Variants in UNC13C observed in about 807,000 individuals in gnomAD.
The protein encoded by UNC13C is protein unc-13 homolog C.
Under a neutral mutation model 245.4 loss-of-function variants are expected in UNC13C, and 174 were observed. The ratio of observed to expected loss-of-function variants is 0.71; its 90% CI spans 0.63 to 0.80. The LOEUF is 0.80. Among genes scored for constraint, UNC13C ranks in the 30% least tolerant of loss-of-function variants. UNC13C has a pLI of 0.00. For synonymous variants in UNC13C, 992 were observed against 895.1 expected (o/e 1.11, Z -1.93); for missense variants, 2,829 against 2,602.9 (o/e 1.09, Z -1.89).
intron 2 of UNC13C, among the ~76,000 whole-genome samples, chr15:54,024,400 T>C (rs914514706): frequency 6.6e-5 from 10 of 152,126 alleles, no homozygotes; most frequent in African/African-American, 2.4e-4. Context: ...CTGAAACAGG[T>C]AAAAGCTTTA....
intron 2 of UNC13C, among the ~76,000 whole-genome samples, chr15:54,118,900 C>T (rs542627964): frequency 2.0e-5 from 3 of 146,444 alleles, no homozygotes; most frequent in African/African-American, 5.1e-5. Flanking sequence ...AATGATCTTA[C>T]GGTTTTTTTT....
At chr15:54,474,543 G>C (rs1019526985) in intron 19 of UNC13C, among the ~76,000 whole-genome samples, 5 of 151,614 alleles carry the variant, frequency 3.3e-5, no homozygotes, top group Non-Finnish European at 7.4e-5. Flanking sequence ...TGTTTGTTTT[G>C]TTTTGCTGTT....
the UNC13C span, among the ~76,000 whole-genome samples, chr15:53,940,057 C>T: frequency 6.6e-6 from 1 of 152,146 alleles, no homozygotes; most frequent in Non-Finnish European, 1.5e-5. Context: ...TTCCCACCAT[C>T]TCCCTCTGTG....
intron 2 of UNC13C, among the ~76,000 whole-genome samples, chr15:54,093,925 G>A (rs546803855): frequency 6.6e-6 from 1 of 152,280 alleles, no homozygotes; most frequent in Non-Finnish European, 1.5e-5. Context: ...TGGCAGTTAT[G>A]AGAGCGCACT....
At chr15:54,098,156 C>T (rs1278690399) in intron 2 of UNC13C, among the ~76,000 whole-genome samples, 1 of 152,016 alleles carries the variant, frequency 6.6e-6, no homozygotes, top group Non-Finnish European at 1.5e-5. Context: ...TTTGGTGACT[C>T]CCTCTATAGC....
At chr15:54,549,770 A>G (rs1896653011) in intron 28 of UNC13C, 79 bp downstream of exon 28, 3 of 871,632 alleles carry the variant, frequency 3.4e-6, no homozygotes, top group Non-Finnish European at 5.4e-6. Flanking sequence ...CCTCCTAGTA[A>G]TAGTATCTAG....
At chr15:54,488,671 T>G (rs1893548657) in intron 19 of UNC13C, among the ~76,000 whole-genome samples, 1 of 152,210 alleles carries the variant, frequency 6.6e-6, no homozygotes, top group African/African-American at 2.4e-5. Flanking sequence ...GTAAGCACCA[T>G]TTAAAGGAAA....
intron 2 of UNC13C, among the ~76,000 whole-genome samples, chr15:54,042,331 G>A (rs529591270): frequency 1.2e-3 from 187 of 152,294 alleles, no homozygotes; most frequent in African/African-American, 3.8e-3. Context: ...ATGTGAGTCC[G>A]TAGGGATAAC....
chr15:54,439,310 A>G (rs527865922), intron 19 of UNC13C, among the ~76,000 whole-genome samples: 1 of 152,152 alleles, frequency 6.6e-6, no homozygotes, highest in South Asian at 2.1e-4. Flanking sequence ...TACTCCCAAA[A>G]GATCAGTAAG....
chr15:54,126,651 A>G (rs1356969669), intron 2 of UNC13C, among the ~76,000 whole-genome samples: 3 of 152,196 alleles, frequency 2.0e-5, no homozygotes, highest in African/African-American at 7.2e-5. Flanking sequence ...AAGCATGGGC[A>G]AAGACTTCAG....
intron 18 of UNC13C, among the ~76,000 whole-genome samples, chr15:54,406,625 C>T (rs1234670997): frequency 6.6e-6 from 1 of 152,120 alleles, no homozygotes; most frequent in Non-Finnish European, 1.5e-5. Context: ...ACAAAGCAAA[C>T]ATCAATAACA....
chr15:54,147,915 T>C (rs2163201), intron 4 of UNC13C, among the ~76,000 whole-genome samples: 55,064 of 151,800 alleles, frequency 0.36, 11,248 homozygotes, highest in Non-Finnish European at 0.47. Flanking sequence ...AGGAGGATAT[T>C]ATCATCTTTA....
intron 30 of UNC13C, among the ~76,000 whole-genome samples, chr15:54,619,080 C>A (rs28635360): frequency 4.6e-5 from 7 of 152,128 alleles, no homozygotes; most frequent in Non-Finnish European, 8.8e-5. Flanking sequence ...AGCAGCTTTT[C>A]TATGCCTTGG....
At chr15:54,245,585 A>C (rs961595231) in intron 7 of UNC13C, among the ~76,000 whole-genome samples, 9 of 152,124 alleles carry the variant, frequency 5.9e-5, no homozygotes, top group Non-Finnish European at 8.8e-5. Flanking sequence ...ATCAGCACTG[A>C]AATTATGTCT....
Position 54,460,146 on chromosome 15 carries a change from G to A in UNC13C, c.4934-34462G>A, listed in dbSNP as rs539443061. 1.5e-4 allele frequency among the ~76,000 whole-genome samples: 23 copies of A among 152,300 alleles called. 1 individual carries two copies. The South Asian group carries it at 4.8e-3, about 32-fold the overall frequency. On this transcript the variant is annotated intron_variant, in intron 19 of 32. Transcript: ENST00000260323. Reference sequence around the variant, plus strand: ...GGGGCTTCCTGAAAGCCAGACTCGAGTGATTGTTATTGCCCTTCTAAGTTT... The same window carrying A: ...GGGGCTTCCTGAAAGCCAGACTCGAATGATTGTTATTGCCCTTCTAAGTTT...
rs1411610338 is a variant in UNC13C, at chr15:54,143,023, A to G, written c.2989A>G (p.Ser997Gly). The G allele has an allele frequency of 4.3e-6, 7 of 1,611,694 alleles. No individual in the cohort carries two copies. Among genetic ancestry groups the G allele is most frequent in the South Asian group, 3.3e-5 (3 of 91,046 alleles). Residue 997 changes from serine (S) to glycine (G), a missense_variant, in exon 3 of 33, where the codon AGT (serine) becomes GGT (glycine). By Grantham distance (56) the Ser-to-Gly change is moderately conservative. Coordinates refer to ENST00000260323, the MANE Select transcript of UNC13C (RefSeq NM_001080534.3). ...LEEKILAGDS[S>G]SVDEKARIVS... ...TTTTCCTGATTCTCTTTCAGATAGC[A>G]GTTCTGTGGATGAAAAGGTTTTAAA...
chr15:54,348,955 G>T (rs2038920153), intron 17 of UNC13C, among the ~76,000 whole-genome samples: 1 of 151,732 alleles, frequency 6.6e-6, no homozygotes, highest in Non-Finnish European at 1.5e-5. Context: ...GCATTAGTTA[G>T]GGAATGATGT....
chr15:54,532,722 A>G (rs1331633370), intron 25 of UNC13C, among the ~76,000 whole-genome samples, 195 bp from the exon 26 acceptor site: 1 of 152,186 alleles, frequency 6.6e-6, no homozygotes, highest in African/African-American at 2.4e-5. Context: ...CAGCACTTTT[A>G]TCTGCCTTAC....
At chr15:54,434,992 C>G (rs2040951498) in intron 19 of UNC13C, among the ~76,000 whole-genome samples, 1 of 152,116 alleles carries the variant, frequency 6.6e-6, no homozygotes, top group Non-Finnish European at 1.5e-5. Flanking sequence ...CTCATCATCA[C>G]TGTTCATTAG....
Sources: allele counts gnomAD v4.1 joint callset (sites outside exome capture counted in the v4.1 genomes callset), GRCh38; gene constraint gnomAD v4.1.1; transcripts MANE v1.5; gene names NCBI Gene and HGNC (gene_info 2026-07-23, HGNC 2026-07-21).